The following DOCK3 variants were observed in gnomAD, a reference collection of about 807,000 sequenced individuals.
The protein encoded by DOCK3 is dedicator of cytokinesis 3.
In DOCK3, 60 loss-of-function variants were observed where a neutral mutation model predicts 265.6. The ratio of observed to expected loss-of-function variants is 0.23; its 90% CI spans 0.18 to 0.28. The LOEUF is 0.28. DOCK3 is among the 10% of genes least tolerant of loss of function. The probability of loss-of-function intolerance (pLI) is 1.00; values close to 1 mark genes in which losing one functional copy is unlikely to be tolerated. For missense variants in DOCK3, 1,981 were observed against 2,594.3 expected (o/e 0.76, Z 5.14); for synonymous variants, 881 against 938.0 (o/e 0.94, Z 1.11).
intron 10 of DOCK3, among the ~76,000 whole-genome samples, chr3:51,157,815 T>G (rs1285993329): frequency 6.6e-6 from 1 of 151,302 alleles, no homozygotes; most frequent in African/African-American, 2.4e-5. Context: ...TTTTTTTTTT[T>G]TTGAGACGGA....
intron 3 of DOCK3, among the ~76,000 whole-genome samples, chr3:50,878,385 A>C (rs1052240722): frequency 2.6e-5 from 4 of 152,236 alleles, no homozygotes; most frequent in Admixed American, 6.5e-5. Flanking sequence ...ACCTTGAAAA[A>C]AGATTAGATG....
chr3:51,229,217 G>A (rs893755827), intron 18 of DOCK3, among the ~76,000 whole-genome samples: 7 of 152,108 alleles, frequency 4.6e-5, no homozygotes, highest in Non-Finnish European at 7.4e-5. Context: ...TTGGGAGGCC[G>A]AGGCGGACAG....
intron 23 of DOCK3, among the ~76,000 whole-genome samples, chr3:51,264,856 A>ATAAATAAATAAATAAATAAG (rs1273306423): frequency 6.6e-6 from 1 of 151,254 alleles, no homozygotes; most frequent in African/African-American, 2.4e-5. Flanking sequence ...AAATAAATAA[A>ATAAATAAATAAATAAATAAG]TAACTTAGAT....
At chr3:50,959,530 T>TTGTG (rs201803035) in intron 5 of DOCK3, among the ~76,000 whole-genome samples, 66 of 146,172 alleles carry the variant, frequency 4.5e-4, no homozygotes, top group African/African-American at 9.4e-4. Flanking sequence ...TCTTTTTATG[T>TTGTG]TGTGTGTGTG....
chr3:50,989,951 A>C (rs1168885493), intron 5 of DOCK3, among the ~76,000 whole-genome samples: 2 of 152,240 alleles, frequency 1.3e-5, no homozygotes, highest in Admixed American at 6.5e-5. Flanking sequence ...TGATATAAAA[A>C]AGAACCTAAT....
intron 4 of DOCK3, among the ~76,000 whole-genome samples, chr3:50,907,682 A>G (rs1007208169): frequency 1.3e-5 from 2 of 152,012 alleles, no homozygotes; most frequent in African/African-American, 2.4e-5. Flanking sequence ...AATACAGCAC[A>G]CTGATGGGTC....
intron 9 of DOCK3, among the ~76,000 whole-genome samples, chr3:51,114,118 A>T (rs1407203750): frequency 6.6e-6 from 1 of 152,200 alleles, no homozygotes; most frequent in East Asian, 1.9e-4. Flanking sequence ...CATAAAAAAA[A>T]AAAATGCCTG....
chr3:51,018,766 G>T (rs2079464233), intron 5 of DOCK3, among the ~76,000 whole-genome samples: 1 of 150,984 alleles, frequency 6.6e-6, no homozygotes, highest in Non-Finnish European at 1.5e-5. Context: ...GTGTTCAAAA[G>T]TTTTGGATTT....
intron 10 of DOCK3, among the ~76,000 whole-genome samples, chr3:51,148,775 G>A (rs1159590362): frequency 6.6e-6 from 1 of 152,168 alleles, no homozygotes; most frequent in Non-Finnish European, 1.5e-5. Context: ...GTCAGGTAAT[G>A]TGATGCCTCC....
At chr3:50,917,449 G>A (rs1170572015) in intron 4 of DOCK3, among the ~76,000 whole-genome samples, 4 of 151,688 alleles carry the variant, frequency 2.6e-5, no homozygotes, top group Admixed American at 6.6e-5. Context: ...ATATTTTCCT[G>A]GAAATGTTTG....
chr3:50,829,585 A>G (rs964418987), intron 2 of DOCK3, among the ~76,000 whole-genome samples: 2 of 152,158 alleles, frequency 1.3e-5, no homozygotes, highest in East Asian at 3.8e-4. Flanking sequence ...CAGAAAAAAA[A>G]AGTCAGGTGA....
chr3:50,977,499 C>T (rs529665869), intron 5 of DOCK3, among the ~76,000 whole-genome samples: 1 of 152,312 alleles, frequency 6.6e-6, no homozygotes, highest in Non-Finnish European at 1.5e-5. Context: ...TGTAGGGTTT[C>T]TGCCAAGAGA....
chr3:50,994,733 G>A (rs192334660), intron 5 of DOCK3, among the ~76,000 whole-genome samples: 13 of 152,294 alleles, frequency 8.5e-5, no homozygotes, highest in East Asian at 3.9e-4. Context: ...GTTTGTCAGC[G>A]ATGTTTAGAG....
chr3:50,734,514 CCAAA>C (rs781307052), intron 1 of DOCK3, among the ~76,000 whole-genome samples: 3 of 151,804 alleles, frequency 2.0e-5, no homozygotes, highest in Admixed American at 6.6e-5. Context: ...AAAAATAACA[CCAAA>C]CAAACTCTAC....
chr3:51,146,534 T>C lies in DOCK3; in HGVS notation c.747-15T>C. On this transcript the variant is annotated splice_polypyrimidine_tract_variant and intron_variant, in intron 9 of 52. Transcript: ENST00000266037. ...TTACTCACATTTCTCTATATCTTTC[T>C]TTCCTACATTTCAGTGAGCGGTTTC... is the stretch of plus-strand genomic sequence containing the variant. The C allele has an allele frequency of 6.3e-7, 1 of 1,579,720 alleles. No homozygotes were observed. The highest frequency in any genetic ancestry group is 1.3e-5 in the African/African-American group (1 of 74,508).
chr3:51,133,101 A>C (rs2084633988), intron 9 of DOCK3, among the ~76,000 whole-genome samples: 1 of 152,162 alleles, frequency 6.6e-6, no homozygotes, highest in South Asian at 2.1e-4. Flanking sequence ...GCAGGTCCCT[A>C]GAGGTGAGGC....
intron 5 of DOCK3, among the ~76,000 whole-genome samples, chr3:50,962,900 A>G (rs1339235642): frequency 6.6e-6 from 1 of 152,198 alleles, no homozygotes; most frequent in East Asian, 1.9e-4. Flanking sequence ...AAAAGAAATT[A>G]TTTGGGCCAG....
In DOCK3 at chr3:51,358,018, C is replaced by T. The variant is rs372827222; in HGVS notation, c.4825C>T (p.Arg1609Trp). ...TGAGAAGTTTGTGCACCCAGAAATG[C>T]GGCCTCTGCATAAGAAGCTAATTGA... ...VHEKFVHPEM[R>W]PLHKKLIDQF... The change falls in exon 46 of 53, where the codon CGG becomes TGG. Residue 1609 changes from arginine (R) to tryptophan (W), a missense_variant. Arg to Trp is a moderately radical substitution (Grantham distance 101). Transcript: ENST00000266037. 8.7e-6 allele frequency: 14 copies of T among 1,613,852 alleles called. No homozygotes were observed. In the African/African-American group the frequency reaches 1.3e-4, roughly 15 times the overall value.
chr3:51,214,653 G>T (rs1182306435), intron 14 of DOCK3, among the ~76,000 whole-genome samples: 1 of 152,146 alleles, frequency 6.6e-6, no homozygotes, highest in Non-Finnish European at 1.5e-5. Flanking sequence ...TATGCCTGTA[G>T]TATCAGTGAA....
Sources: gnomAD v4.1 joint callset for allele counts (sites outside exome capture counted in the v4.1 genomes callset) on GRCh38, gnomAD v4.1.1 for gene constraint, MANE v1.5 for transcripts, NCBI Gene and HGNC (gene_info 2026-07-23, HGNC 2026-07-21) for gene names.